Variants in TMEM200A observed in about 807,000 individuals in gnomAD.
TMEM200A encodes transmembrane protein 200A, also known as two transmembrane C.
In TMEM200A, 12 loss-of-function variants were observed where a neutral mutation model predicts 24.3. That is an observed-to-expected ratio of 0.49 (90% CI 0.32 to 0.80). The LOEUF (loss-of-function observed/expected upper bound fraction) is 0.80. Among genes scored for constraint, TMEM200A ranks in the 30% least tolerant of loss-of-function variants. The pLI is 0.04. For missense variants in TMEM200A, 545 were observed against 614.4 expected (o/e 0.89, Z 1.19); for synonymous variants, 224 against 224.4 (o/e 1.00, Z 0.02).
chr6:130,431,910 C>T lies in TMEM200A; in HGVS notation c.-16-8497C>T, dbSNP rs572173887. ...TACTTGACCATAAAGTAATATTTTA[C>T]ATTTAATGACTTGAATATCATTTTG... On this transcript the variant is annotated intron_variant, in intron 2 of 2. Transcript: ENST00000296978. Among the ~76,000 whole-genome samples, 9 of 152,294 alleles carry T rather than the reference C, an allele frequency of 5.9e-5. No homozygotes were observed. The South Asian group carries it at 1.9e-3, about 32-fold the overall frequency.
At chr6:130,396,253 C>A (rs1477376116) in intron 2 of TMEM200A, among the ~76,000 whole-genome samples, 1 of 151,880 alleles carries the variant, frequency 6.6e-6, no homozygotes, top group Non-Finnish European at 1.5e-5. Context: ...TTTAGAAAAA[C>A]TTAAGAAAAA....
Position 130,441,314 on chromosome 6 carries a change from T to G in TMEM200A, c.892T>G (p.Cys298Gly), listed in dbSNP as rs770536714. The change falls in exon 3 of 3, where the codon TGT becomes GGT. Residue 298 changes from cysteine to glycine, a missense_variant. Transcript: ENST00000296978. The part of the protein sequence containing the change: ...FTLPVIKLNN[C>G]VIDEPSIDNI... The stretch of plus-strand genomic sequence containing the variant: ...ATTGCCTGTGATCAAACTTAATAAC[T>G]GTGTTATTGATGAGCCCAGTATAGA... 6.2e-7 allele frequency: 1 copy of G among 1,614,078 alleles called. No homozygotes were observed. Among genetic ancestry groups the G allele is most frequent in the Admixed American group, 1.7e-5 (1 of 60,028 alleles).
intron 2 of TMEM200A, among the ~76,000 whole-genome samples, chr6:130,389,571 A>C (rs1778788585): frequency 6.6e-6 from 1 of 152,126 alleles, no homozygotes; most frequent in African/African-American, 2.4e-5. Flanking sequence ...TCTAACAATA[A>C]TATAGCTTGT....
At chr6:130,368,166 T>C (rs748736182) in intron 1 of TMEM200A, among the ~76,000 whole-genome samples, 1 of 152,348 alleles carries the variant, frequency 6.6e-6, no homozygotes, top group East Asian at 1.9e-4. Context: ...ATTGTTATAT[T>C]TGGACTTGTG....
At chr6:130,435,761 A>G (rs1328087714) in intron 2 of TMEM200A, among the ~76,000 whole-genome samples, 1 of 152,242 alleles carries the variant, frequency 6.6e-6, no homozygotes, top group African/African-American at 2.4e-5. Flanking sequence ...AATTCAGTGT[A>G]GTAAAATCCT....
At chr6:130,426,470 C>A (rs554483130) in intron 2 of TMEM200A, among the ~76,000 whole-genome samples, 8 of 146,806 alleles carry the variant, frequency 5.4e-5, no homozygotes, top group African/African-American at 1.3e-4. Context: ...GCCCCCCCCC[C>A]CTCAGTTTCC....
chr6:130,372,664 G>C (rs540643877), intron 1 of TMEM200A, among the ~76,000 whole-genome samples: 1 of 152,294 alleles, frequency 6.6e-6, no homozygotes, highest in South Asian at 2.1e-4. Context: ...TAAATAAAAT[G>C]AGTTACTAAT....
rs531737497 is a variant in TMEM200A, at chr6:130,390,322, T to G, written c.-17+5086T>G. On this transcript the variant is annotated intron_variant, in intron 2 of 2. Coordinates refer to ENST00000296978, the MANE Select transcript of TMEM200A (RefSeq NM_001258277.2). ...GAAGCATTCCGAAGTTGTAAAACCA[T>G]AGCTGTAGAGCAAATTCAAATGTGT... 2.6e-5 allele frequency among the ~76,000 whole-genome samples: 4 copies of G among 152,356 alleles called. No homozygotes were observed. In the East Asian group the frequency reaches 7.7e-4, roughly 29 times the overall value.
At position 130,401,434 on chromosome 6, in the gene TMEM200A, TTTCCTTCC is replaced by T. The variant is rs66555845; in HGVS notation, c.-17+16218_-17+16225del. On this transcript the variant is annotated intron_variant, in intron 2 of 2. Coordinates refer to ENST00000296978, the MANE Select transcript of TMEM200A (RefSeq NM_001258277.2). ...TTCTTTCTCTTTCTTTCTTTCTCTC[TTTCCTTCC>T]TTCCTTCCTTCCTTCCTTCTTTCTT... Among the ~76,000 whole-genome samples the T allele has an allele frequency of 6.4e-3, 925 of 144,906 alleles. 4 individuals carry two copies. The highest frequency in any genetic ancestry group is 9.5e-3 in the Non-Finnish European group (637 of 66,788).
intron 2 of TMEM200A, among the ~76,000 whole-genome samples, chr6:130,394,710 G>T (rs532699017): frequency 2.0e-5 from 3 of 152,168 alleles, no homozygotes; most frequent in Non-Finnish European, 2.9e-5. Flanking sequence ...TGAAGACTGC[G>T]TTTACATTCT....
chr6:130,440,247 T>C, intron 2 of TMEM200A, among the ~76,000 whole-genome samples, 160 bp from the exon 3 acceptor site: 1 of 152,320 alleles, frequency 6.6e-6, no homozygotes, highest in Non-Finnish European at 1.5e-5. Context: ...ATAAAATTTG[T>C]ACCCAAACTA....
intron 2 of TMEM200A, among the ~76,000 whole-genome samples, chr6:130,400,917 C>T (rs1293846165): frequency 6.6e-6 from 1 of 151,262 alleles, no homozygotes; most frequent in South Asian, 2.1e-4. Flanking sequence ...CAGAAGCAGA[C>T]AAACAAATAA....
chr6:130,383,459 T>G (rs1034767899), intron 1 of TMEM200A, among the ~76,000 whole-genome samples: 5 of 152,220 alleles, frequency 3.3e-5, no homozygotes, highest in African/African-American at 1.2e-4. Flanking sequence ...AGTTGAAGTT[T>G]GAAAACTTGA....
intron 2 of TMEM200A, among the ~76,000 whole-genome samples, chr6:130,395,233 A>G (rs762790958): frequency 2.0e-5 from 3 of 152,210 alleles, no homozygotes; most frequent in Non-Finnish European, 4.4e-5. Context: ...TGGATTGCTT[A>G]TAATTCTTCT....
At chr6:130,438,203 A>G (rs1191770606) in intron 2 of TMEM200A, 2 of 152,252 alleles carry the variant, frequency 1.3e-5, no homozygotes, top group Non-Finnish European at 2.9e-5. Flanking sequence ...GATAAATTTC[A>G]TAGACTAGAG....
chr6:130,440,793 A>G lies in TMEM200A; in HGVS notation c.371A>G (p.Lys124Arg). ...TTTGAGCAGCATTTGCATTCTGATA[A>G]GATGAAAATGCTTGGCCCATTCACC... The part of the protein sequence containing the change: ...RFFEQHLHSD[K>R]MKMLGPFTMG... Residue 124 changes from lysine to arginine, a missense_variant, in exon 3 of 3, where the codon AAG (lysine) becomes AGG (arginine). Coordinates refer to ENST00000296978, the MANE Select transcript of TMEM200A (RefSeq NM_001258277.2). 6.2e-7 allele frequency: 1 copy of G among 1,613,944 alleles called. No homozygotes were observed. The highest frequency in any genetic ancestry group is 8.5e-7 in the Non-Finnish European group (1 of 1,179,890).
At chr6:130,426,376 A>AAATT (rs1779738916) in intron 2 of TMEM200A, among the ~76,000 whole-genome samples, 1 of 150,242 alleles carries the variant, frequency 6.7e-6, no homozygotes, top group Non-Finnish European at 1.5e-5. Flanking sequence ...CAAGGCATGA[A>AAATT]AATTAAATAA....
chr6:130,380,418 T>A (rs780394159), intron 1 of TMEM200A, among the ~76,000 whole-genome samples: 4 of 152,236 alleles, frequency 2.6e-5, no homozygotes, highest in Non-Finnish European at 5.9e-5. Context: ...AAGTTTAAGC[T>A]ATTTGCCAGG....
In TMEM200A at chr6:130,440,858, A is replaced by G. The variant is rs138812949; in HGVS notation, c.436A>G (p.Ile146Val). 1.3e-4 allele frequency: 213 copies of G among 1,614,062 alleles called. No individual in the cohort carries two copies. Among genetic ancestry groups the G allele is most frequent in the Non-Finnish European group, 1.7e-4 (204 of 1,179,990 alleles). ...TTTCATTTTCATTTGTGCTAATGCCATTCTTCATGAAAACCGTGACAAAGA... is the reference window on the plus strand; with the variant it reads ...TTTCATTTTCATTTGTGCTAATGCCGTTCTTCATGAAAACCGTGACAAAGA... Reference protein sequence around the residue: ...GIFIFICANAILHENRDKETK... With the variant: ...GIFIFICANAVLHENRDKETK... Residue 146 changes from isoleucine (I) to valine (V), a missense_variant, in exon 3 of 3, where the codon ATT becomes GTT. Coordinates refer to ENST00000296978, the MANE Select transcript of TMEM200A (RefSeq NM_001258277.2).
Sources: allele counts gnomAD v4.1 joint callset (sites outside exome capture counted in the v4.1 genomes callset), GRCh38; gene constraint gnomAD v4.1.1; transcripts MANE v1.5; gene names NCBI Gene and HGNC (gene_info 2026-07-23, HGNC 2026-07-21).